Variants in TNR observed in about 807,000 individuals in gnomAD.
TNR encodes the protein tenascin R.
In TNR, 45 loss-of-function variants were observed where a neutral mutation model predicts 150.4. The observed-to-expected ratio is 0.30, with a 90% CI of 0.24 to 0.38. The LOEUF (loss-of-function observed/expected upper bound fraction) is 0.38. Ranked by LOEUF, TNR falls within the 10% of genes least tolerant of loss-of-function variation. The pLI is 1.00. For synonymous variants in TNR, 687 were observed against 678.4 expected, an observed-to-expected ratio of 1.01 and a Z score of -0.20; for missense variants, 1,544 against 1,759.1, an observed-to-expected ratio of 0.88 and a Z score of 2.19.
At chr1:175,525,264 AC>A (rs1659804749) in intron 2 of TNR, among the ~76,000 whole-genome samples, 1 of 152,144 alleles carries the variant, frequency 6.6e-6, no homozygotes, top group South Asian at 2.1e-4. Context: ...ACCATGCTGA[AC>A]TGTGAGTCAA....
At chr1:175,502,266 C>T (rs1658768995) in intron 2 of TNR, among the ~76,000 whole-genome samples, 1 of 152,182 alleles carries the variant, frequency 6.6e-6, no homozygotes, top group South Asian at 2.1e-4. Flanking sequence ...AGTTTGGGAA[C>T]TCTGATGTGC....
At chr1:175,461,048 G>C (rs1225592202) in intron 2 of TNR, among the ~76,000 whole-genome samples, 1 of 152,230 alleles carries the variant, frequency 6.6e-6, no homozygotes, top group Non-Finnish European at 1.5e-5. Flanking sequence ...CAGTGGGAGA[G>C]GGCTTCTGCT....
intron 8 of TNR, among the ~76,000 whole-genome samples, chr1:175,382,580 A>G (rs1652730571): frequency 6.6e-6 from 1 of 152,214 alleles, no homozygotes; most frequent in African/African-American, 2.4e-5. Flanking sequence ...ATAACAAGGT[A>G]CCACCAACTG....
chr1:175,672,980 C>T (rs1250259462), intron 1 of TNR, among the ~76,000 whole-genome samples: 4 of 152,180 alleles, frequency 2.6e-5, no homozygotes, highest in African/African-American at 9.7e-5. Flanking sequence ...TCCAAGGCCT[C>T]TTCTGAGTTC....
chr1:175,567,553 A>G (rs1454938909), intron 1 of TNR, among the ~76,000 whole-genome samples: 1 of 152,174 alleles, frequency 6.6e-6, no homozygotes, highest in Non-Finnish European at 1.5e-5. Context: ...CGGGTCTAAC[A>G]TGGCCATGGG....
chr1:175,453,529 G>A (rs910503309), intron 2 of TNR, among the ~76,000 whole-genome samples: 1 of 151,850 alleles, frequency 6.6e-6, no homozygotes, highest in African/African-American at 2.4e-5. Flanking sequence ...CAGTTTTTTG[G>A]TTTTTAAACT....
chr1:175,406,208 G>T lies in TNR; in HGVS notation c.499+8C>A. ...CCTGAGACCACGCTGCGAGCTCCCG[G>T]ACTCTACCTGTGGCAGCACTTTCTT... On this transcript the variant is annotated splice_region_variant and intron_variant, in intron 3 of 22. Coordinates refer to ENST00000367674, the MANE Select transcript of TNR (RefSeq NM_003285.3). 4 of 1,612,276 alleles carry T rather than the reference G, an allele frequency of 2.5e-6. No individual in the cohort carries two copies. Among genetic ancestry groups the T allele is most frequent in the Non-Finnish European group, 3.4e-6 (4 of 1,179,002 alleles).
intron 1 of TNR, among the ~76,000 whole-genome samples, chr1:175,613,359 T>A (rs1663659064): frequency 6.6e-6 from 1 of 152,120 alleles, no homozygotes; most frequent in African/African-American, 2.4e-5. Context: ...CCAGTCAACA[T>A]CACATTGGTA....
At chr1:175,522,790 T>C (rs1659692812) in intron 2 of TNR, among the ~76,000 whole-genome samples, 1 of 152,236 alleles carries the variant, frequency 6.6e-6, no homozygotes, top group South Asian at 2.1e-4. Context: ...CACAAAATTG[T>C]AAGTTCTGGT....
chr1:175,589,605 A>C (rs897213633), intron 1 of TNR, among the ~76,000 whole-genome samples: 1 of 152,224 alleles, frequency 6.6e-6, no homozygotes, highest in Admixed American at 6.5e-5. Flanking sequence ...TTAAGTTAAG[A>C]CAGAATCAGA....
chr1:175,451,204 GTT>G (rs11289379), intron 2 of TNR, among the ~76,000 whole-genome samples: 1,678 of 128,774 alleles, frequency 0.013, 49 homozygotes, highest in African/African-American at 0.044. Flanking sequence ...CACCTGGTTA[GTT>G]TTTTTTTTTT....
intron 1 of TNR, among the ~76,000 whole-genome samples, chr1:175,586,553 A>T (rs939780193): frequency 1.3e-5 from 2 of 152,004 alleles, no homozygotes; most frequent in Non-Finnish European, 2.9e-5. Flanking sequence ...TTATCTGCCC[A>T]CCTCAGCCTC....
At chr1:175,739,499 C>A (rs181894358) in intron 1 of TNR, among the ~76,000 whole-genome samples, 1 of 150,290 alleles carries the variant, frequency 6.7e-6, no homozygotes, top group African/African-American at 2.4e-5. Flanking sequence ...CACACACATG[C>A]ACACACACAC....
Position 175,379,600 on chromosome 1 carries a change from C to A in TNR, c.1915G>T (p.Val639Leu), listed in dbSNP as rs752385367. The A allele has an allele frequency of 2.5e-6, 4 of 1,614,032 alleles. No individual in the cohort carries two copies. The African/African-American group carries it at 4.0e-5, about 16-fold the overall frequency. The stretch of plus-strand genomic sequence containing the variant: ...GGACCAATGCCCCTGGGGACCAGTA[C>A]CTCATGATATTGCTCACCCGCCAGG... ...STLAGEQYHEVLVPRGIGPTT... is the reference protein window; with the variant it reads ...STLAGEQYHELLVPRGIGPTT... The change falls in exon 9 of 23, where the codon GTA becomes TTA. Residue 639 changes from valine to leucine, a missense_variant. Physicochemically the swap from Val to Leu is conservative, Grantham distance 32 (BLOSUM62 1). Coordinates refer to ENST00000367674, the MANE Select transcript of TNR (RefSeq NM_003285.3).
intron 1 of TNR, among the ~76,000 whole-genome samples, chr1:175,691,305 TG>T (rs1666363175): frequency 6.6e-6 from 1 of 151,980 alleles, no homozygotes; most frequent in Non-Finnish European, 1.5e-5. Context: ...ATATTAATGA[TG>T]ATGATAATTA....
chr1:175,460,277 G>A (rs143280172), intron 2 of TNR, among the ~76,000 whole-genome samples: 34 of 152,154 alleles, frequency 2.2e-4, no homozygotes, highest in African/African-American at 7.7e-4. Context: ...TTTCTTGAAG[G>A]TCTTGCTCTC....
intron 1 of TNR, among the ~76,000 whole-genome samples, chr1:175,740,159 T>C (rs1371399855): frequency 6.6e-6 from 1 of 152,228 alleles, no homozygotes; most frequent in Non-Finnish European, 1.5e-5. Context: ...AGGTGTTCCC[T>C]TGAAAGTCTA....
Position 175,359,684 on chromosome 1 carries a change from CTGT to C in TNR, c.2899_2901del (p.Thr967del). On this transcript the variant is annotated inframe_deletion, in exon 15 of 23. Coordinates refer to ENST00000367674, the MANE Select transcript of TNR (RefSeq NM_003285.3). ...GGTGCCTTCCACTGCAGCAGGGCTT[CTGT>C]TGGAGTGATATTGGTAGCAATCAGA... 1 of 1,613,914 alleles carries C rather than the reference CTGT, an allele frequency of 6.2e-7. No homozygotes were observed. The highest frequency in any genetic ancestry group is 8.5e-7 in the Non-Finnish European group (1 of 1,179,904).
intron 1 of TNR, among the ~76,000 whole-genome samples, chr1:175,545,795 C>T (rs1032410616): frequency 3.9e-5 from 6 of 152,332 alleles, no homozygotes; most frequent in Middle Eastern, 3.4e-3. Context: ...CGGAGGCCAT[C>T]CAGCTTCAGA....
Sources: allele counts gnomAD v4.1 joint callset (sites outside exome capture counted in the v4.1 genomes callset), GRCh38; gene constraint gnomAD v4.1.1; transcripts MANE v1.5; gene names NCBI Gene and HGNC (gene_info 2026-07-23, HGNC 2026-07-21).